Variants in DPP10 observed in about 807,000 individuals in gnomAD.
DPP10 encodes inactive dipeptidyl peptidase 10.
Under a neutral mutation model 120.9 loss-of-function variants are expected in DPP10, and 33 were observed. The ratio of observed to expected loss-of-function variants is 0.27; its 90% CI spans 0.21 to 0.37. DPP10 has a LOEUF of 0.37. Ranked by LOEUF, DPP10 falls within the 10% of genes least tolerant of loss-of-function variation. The probability of loss-of-function intolerance (pLI) is 1.00; values close to 1 mark genes in which losing one functional copy is unlikely to be tolerated. For missense variants in DPP10, 816 were observed against 942.8 expected (o/e 0.87, Z 1.76); for synonymous variants, 337 against 326.1 (o/e 1.03, Z -0.36).
In DPP10 at chr2:115,734,265, A is replaced by G. The variant is rs539789466; in HGVS notation, c.698-5474A>G. 2.0e-5 allele frequency among the ~76,000 whole-genome samples: 3 copies of G among 152,328 alleles called. No individual in the cohort carries two copies. The East Asian group carries it at 5.8e-4, about 29-fold the overall frequency. On this transcript the variant is annotated intron_variant, in intron 8 of 25. Transcript: ENST00000410059. ...TATTCTTGGGAAGTACTGGACACAC[A>G]TATTTCAGCACCTACGACAGAACCT...
chr2:115,458,544 G>A (rs2073765803), intron 3 of DPP10, among the ~76,000 whole-genome samples: 3 of 152,004 alleles, frequency 2.0e-5, no homozygotes, highest in Admixed American at 2.0e-4. Flanking sequence ...AAATGAAAAG[G>A]CAAACAATGG....
chr2:114,812,297 C>A (rs1334816631), intron 1 of DPP10, among the ~76,000 whole-genome samples: 1 of 152,004 alleles, frequency 6.6e-6, no homozygotes, highest in Non-Finnish European at 1.5e-5. Flanking sequence ...CGGTGTGAAT[C>A]TTTTACTCAA....
chr2:114,722,775 C>CAAAAA (rs61497158), intron 1 of DPP10, among the ~76,000 whole-genome samples: 4 of 55,858 alleles, frequency 7.2e-5, no homozygotes, highest in Non-Finnish European at 6.2e-5. Context: ...GGCTCTGTCT[C>CAAAAA]AAAAAAAAAA....
intron 1 of DPP10, among the ~76,000 whole-genome samples, chr2:115,228,249 A>ACAGGAG (rs2057542252): frequency 6.6e-6 from 1 of 151,982 alleles, no homozygotes; most frequent in Non-Finnish European, 1.5e-5. Context: ...ACCCGGCCCT[A>ACAGGAG]TACATGGGGT....
chr2:115,214,947 C>A (rs2056731413), intron 1 of DPP10, among the ~76,000 whole-genome samples: 1 of 152,136 alleles, frequency 6.6e-6, no homozygotes, highest in Non-Finnish European at 1.5e-5. Context: ...GCTTGCTGTC[C>A]TGTTGGCAGC....
chr2:115,177,895 C>G (rs1013856205), intron 1 of DPP10, among the ~76,000 whole-genome samples: 3 of 152,230 alleles, frequency 2.0e-5, no homozygotes, highest in South Asian at 2.1e-4. Flanking sequence ...TCCTGAGTAC[C>G]TGGGACTACA....
chr2:114,517,995 G>T (rs998816638), intron 1 of DPP10, among the ~76,000 whole-genome samples: 1 of 139,970 alleles, frequency 7.1e-6, no homozygotes, highest in Non-Finnish European at 1.5e-5. Flanking sequence ...TCAACATATT[G>T]TTTAAAAAAA....
intron 3 of DPP10, among the ~76,000 whole-genome samples, chr2:115,345,170 A>C (rs150117872): frequency 6.6e-6 from 1 of 152,208 alleles, no homozygotes; most frequent in African/African-American, 2.4e-5. Flanking sequence ...ATTGAAATCA[A>C]TTGGAAGATA....
At chr2:115,621,505 G>C (rs999020195) in intron 5 of DPP10, among the ~76,000 whole-genome samples, 3 of 152,104 alleles carry the variant, frequency 2.0e-5, no homozygotes, top group African/African-American at 7.2e-5. Flanking sequence ...TTGCTTCTAT[G>C]CAGGCCTTTC....
chr2:115,353,927 A>G (rs11674259), intron 3 of DPP10, among the ~76,000 whole-genome samples: 69,026 of 151,922 alleles, frequency 0.45, 16,661 homozygotes, highest in Non-Finnish European at 0.55. Context: ...TTTAAAACAC[A>G]TAGATTTAAG....
chr2:114,583,937 T>C (rs1690739802), intron 1 of DPP10, among the ~76,000 whole-genome samples: 1 of 152,188 alleles, frequency 6.6e-6, no homozygotes, highest in African/African-American at 2.4e-5. Flanking sequence ...TATCTCACTA[T>C]AAAATATTTT....
intron 3 of DPP10, among the ~76,000 whole-genome samples, chr2:115,404,045 C>T (rs983689487): frequency 6.6e-6 from 1 of 151,906 alleles, no homozygotes; most frequent in Non-Finnish European, 1.5e-5. Context: ...TGTAAAATAC[C>T]TGAGTATTAG....
chr2:115,575,260 A>G (rs1041446207), intron 5 of DPP10, among the ~76,000 whole-genome samples: 7 of 152,232 alleles, frequency 4.6e-5, no homozygotes, highest in Non-Finnish European at 8.8e-5. Flanking sequence ...AAACTTGCTC[A>G]TACTTTACTA....
At chr2:114,675,567 A>G (rs1188267949) in intron 1 of DPP10, among the ~76,000 whole-genome samples, 2 of 152,148 alleles carry the variant, frequency 1.3e-5, no homozygotes, top group Non-Finnish European at 2.9e-5. Flanking sequence ...AATGAACCAC[A>G]TAATGAAGAT....
intron 3 of DPP10, among the ~76,000 whole-genome samples, chr2:115,413,997 C>T (rs1415487224): frequency 6.6e-6 from 1 of 152,024 alleles, no homozygotes; most frequent in Non-Finnish European, 1.5e-5. Flanking sequence ...ATGTATGTGT[C>T]TGATTCAGTG....
chr2:114,912,819 A>T (rs189723052), intron 1 of DPP10, among the ~76,000 whole-genome samples: 4 of 152,192 alleles, frequency 2.6e-5, no homozygotes, highest in African/African-American at 4.8e-5. Context: ...TGGATATTTG[A>T]GCTGGCAGGG....
chr2:115,197,281 A>C (rs533618228), intron 1 of DPP10, among the ~76,000 whole-genome samples: 1 of 152,102 alleles, frequency 6.6e-6, no homozygotes, highest in Non-Finnish European at 1.5e-5. Flanking sequence ...AGTCCCAGCT[A>C]CTCAGGAGGC....
chr2:114,849,766 C>G (rs1688809905), intron 1 of DPP10, among the ~76,000 whole-genome samples: 1 of 152,148 alleles, frequency 6.6e-6, no homozygotes, highest in East Asian at 1.9e-4. Flanking sequence ...CTAATAGCAA[C>G]AGCCAAGAGA....
At chr2:115,474,548 T>C (rs2074946784) in intron 3 of DPP10, among the ~76,000 whole-genome samples, 1 of 152,114 alleles carries the variant, frequency 6.6e-6, no homozygotes, top group South Asian at 2.1e-4. Flanking sequence ...TTAAGAGTGA[T>C]GGATTAGGGT....
Sources: gnomAD v4.1 joint callset for allele counts (sites outside exome capture counted in the v4.1 genomes callset) on GRCh38, gnomAD v4.1.1 for gene constraint, MANE v1.5 for transcripts, NCBI Gene and HGNC (gene_info 2026-07-23, HGNC 2026-07-21) for gene names.